MEGF9: variants seen among roughly 807,000 people sequenced by gnomAD.
MEGF9 encodes the protein multiple EGF like domains 9, also known as multiple epidermal growth factor-like domains protein 9.
In MEGF9, 6 loss-of-function variants were observed where a neutral mutation model predicts 46.8. That is an observed-to-expected ratio of 0.13 (90% CI 0.07 to 0.25). The LOEUF is 0.25. MEGF9 is among the 10% of genes least tolerant of loss of function. MEGF9 has a pLI of 1.00. For missense variants in MEGF9, 683 were observed against 792.4 expected (o/e 0.86, Z 1.66); for synonymous variants, 302 against 330.7 (o/e 0.91, Z 0.94).
chr9:120,668,260 T>G (rs970265510), intron 1 of MEGF9, among the ~76,000 whole-genome samples: 10 of 152,210 alleles, frequency 6.6e-5, no homozygotes, highest in Admixed American at 6.5e-4. Flanking sequence ...CAATTTACAT[T>G]TCACATTTAT....
At chr9:120,664,804 T>C (rs1021207272) in intron 1 of MEGF9, among the ~76,000 whole-genome samples, 3 of 152,224 alleles carry the variant, frequency 2.0e-5, no homozygotes, top group Non-Finnish European at 2.9e-5. Context: ...TACAGCCTTT[T>C]GCAAAACTGC....
intron 2 of MEGF9, among the ~76,000 whole-genome samples, chr9:120,642,414 C>T: frequency 6.6e-6 from 1 of 152,166 alleles, no homozygotes; most frequent in Non-Finnish European, 1.5e-5. Flanking sequence ...GATCTGGGCT[C>T]AAATCTAAGT....
In MEGF9 at chr9:120,714,202, C is replaced by T; in HGVS notation, c.157G>A (p.Ala53Thr). The T allele has an allele frequency of 8.1e-7, 1 of 1,235,364 alleles. No individual in the cohort carries two copies. The highest frequency in any genetic ancestry group is 1.0e-6 in the Non-Finnish European group (1 of 991,048). The allele number at this position is 1,235,364 out of a possible 1,614,324, so 76.5% of individuals were successfully genotyped here. The part of the protein sequence containing the change: ...GGGGAAGQVD[A>T]SPGPGLRGEP... The stretch of plus-strand genomic sequence containing the variant: ...CCCCGCAACCCGGGGCCCGGCGACG[C>T]GTCCACCTGCCCCGCGGCCCCGCCG... The change falls in exon 1 of 6, where the codon GCG (alanine) becomes ACG (threonine). Residue 53 changes from alanine to threonine, a missense_variant. This residue lies in a region of MEGF9 where 370 missense variants were observed against 371.3 expected (regional missense o/e 1.00). Transcript: ENST00000373930.
chr9:120,677,335 A>G (rs2043777927), intron 1 of MEGF9, among the ~76,000 whole-genome samples: 1 of 152,060 alleles, frequency 6.6e-6, no homozygotes, highest in African/African-American at 2.4e-5. Context: ...GGGTATCATC[A>G]TGTTGCCCAG....
chr9:120,618,949 A>T (rs1279317064), intron 3 of MEGF9, among the ~76,000 whole-genome samples: 1 of 151,808 alleles, frequency 6.6e-6, no homozygotes, highest in Non-Finnish European at 1.5e-5. Context: ...TTCCTCATTT[A>T]CAGGGGTTTG....
chr9:120,690,604 C>G (rs567704727), intron 1 of MEGF9, among the ~76,000 whole-genome samples: 1 of 152,250 alleles, frequency 6.6e-6, no homozygotes, highest in African/African-American at 2.4e-5. Context: ...CAGGGTGCTA[C>G]TGAATGGTAG....
At chr9:120,671,982 G>A (rs1239645544) in intron 1 of MEGF9, among the ~76,000 whole-genome samples, 1 of 152,166 alleles carries the variant, frequency 6.6e-6, no homozygotes, top group Admixed American at 6.5e-5. Flanking sequence ...AATCCATCCT[G>A]TTAGCAGACT....
In MEGF9 at chr9:120,714,259, AGGCGAC is replaced by A. The variant is rs962900384; in HGVS notation, c.94_99del (p.Val32_Ala33del). The A allele has an allele frequency of 3.9e-5, 47 of 1,193,970 alleles. No homozygotes were observed. The highest frequency in any genetic ancestry group is 4.6e-5 in the Non-Finnish European group (45 of 976,288). The allele number at this position is 1,193,970 out of a possible 1,614,324, so 74.0% of individuals were successfully genotyped here. On this transcript the variant is annotated inframe_deletion, in exon 1 of 6. Transcript: ENST00000373930. ...GTGACATTCCCCGCCGAGGCGGCTG[AGGCGAC>A]GGCGGCGGCGGCGGCGGCGGCGGCG...
chr9:120,687,733 C>A (rs1587996089), intron 1 of MEGF9, among the ~76,000 whole-genome samples: 1 of 131,508 alleles, frequency 7.6e-6, no homozygotes. Context: ...TGCATGGCAC[C>A]AAATTCAGGA....
intron 1 of MEGF9, among the ~76,000 whole-genome samples, chr9:120,701,164 A>G (rs2043903380): frequency 6.6e-6 from 1 of 151,798 alleles, no homozygotes; most frequent in South Asian, 2.1e-4. Context: ...AAAAAGGAGT[A>G]GGAAATATGA....
At chr9:120,633,172 G>A (rs1200786767) in intron 2 of MEGF9, among the ~76,000 whole-genome samples, 1 of 152,140 alleles carries the variant, frequency 6.6e-6, no homozygotes, top group Non-Finnish European at 1.5e-5. Flanking sequence ...ATTAGTATTA[G>A]TTCTTCTTCA....
In MEGF9 at chr9:120,685,424, T is replaced by C. The variant is rs2043817739; in HGVS notation, c.602-25849A>G. 3.3e-5 allele frequency among the ~76,000 whole-genome samples: 5 copies of C among 152,332 alleles called. No homozygotes were observed. In the South Asian group the frequency reaches 1.0e-3, roughly 32 times the overall value. ...ATAATATATCAAAAAAGAAATAATT[T>C]GGCTCCCTCCTCCCCTCCTGAAGTA... On this transcript the variant is annotated intron_variant, in intron 1 of 5. Transcript: ENST00000373930.
At chr9:120,628,331 C>A in intron 2 of MEGF9, among the ~76,000 whole-genome samples, 1 of 152,012 alleles carries the variant, frequency 6.6e-6, no homozygotes. Context: ...ATAAGCGAGG[C>A]TTCTGGAGGA....
intron 2 of MEGF9, among the ~76,000 whole-genome samples, chr9:120,642,490 T>C (rs1807602520): frequency 6.6e-6 from 1 of 152,212 alleles, no homozygotes; most frequent in Non-Finnish European, 1.5e-5. Flanking sequence ...ATGGATGAGT[T>C]GTCTGAGAAG....
intron 2 of MEGF9, among the ~76,000 whole-genome samples, chr9:120,656,764 A>G (rs1239787442): frequency 2.6e-5 from 4 of 151,838 alleles, no homozygotes. Context: ...TATTATCTCC[A>G]CTTCACAAAT....
chr9:120,626,934 G>A (rs1272351509), intron 2 of MEGF9, among the ~76,000 whole-genome samples: 1 of 152,172 alleles, frequency 6.6e-6, no homozygotes. Context: ...TGGACATGAT[G>A]ACAGTGATCC....
chr9:120,713,905 T>C lies in MEGF9; in HGVS notation c.454A>G (p.Thr152Ala). The C allele has an allele frequency of 7.5e-7, 1 of 1,332,902 alleles. No individual in the cohort carries two copies. Among genetic ancestry groups the C allele is most frequent in the Non-Finnish European group, 9.6e-7 (1 of 1,037,580 alleles). 82.6% of individuals were successfully genotyped at this position (1,332,902 alleles called of 1,614,324 possible). ...RPAPTTLSTT[T>A]GPAPTTPVAT... is the part of the protein sequence containing the mutation. ...ACAGGGGTGGTCGGCGCCGGGCCAG[T>C]GGTCGTCGAAAGGGTGGTCGGCGCG... is the stretch of plus-strand genomic sequence containing the variant. The change falls in exon 1 of 6, where the codon ACT becomes GCT. Residue 152 changes from threonine to alanine, a missense_variant. Coordinates refer to ENST00000373930, the MANE Select transcript of MEGF9 (RefSeq NM_001080497.3).
chr9:120,699,774 C>T (rs988003444), intron 1 of MEGF9, among the ~76,000 whole-genome samples: 5 of 144,162 alleles, frequency 3.5e-5, no homozygotes, highest in African/African-American at 1.3e-4. Context: ...AACAGATCAA[C>T]CAAAAATAAT....
At chr9:120,711,788 A>G (rs1162824107) in intron 1 of MEGF9, among the ~76,000 whole-genome samples, 2 of 151,736 alleles carry the variant, frequency 1.3e-5, no homozygotes, top group African/African-American at 2.4e-5. Flanking sequence ...TAAAACAAAT[A>G]AAAATCACCC....
Sources: gnomAD v4.1 joint callset for allele counts (sites outside exome capture counted in the v4.1 genomes callset) on GRCh38, gnomAD v4.1.1 for gene constraint, gnomAD v4.1.1 regional missense constraint, MANE v1.5 for transcripts, NCBI Gene and HGNC (gene_info 2026-07-23, HGNC 2026-07-21) for gene names.